Variants in ULK4 observed in about 807,000 individuals in gnomAD.
ULK4 encodes inactive serine/threonine-protein kinase ULK4.
In ULK4, 133 loss-of-function variants were observed where a neutral mutation model predicts 160.6. The observed-to-expected ratio is 0.83, with a 90% CI of 0.72 to 0.96. ULK4 has a LOEUF of 0.96. Ranked by LOEUF, ULK4 falls within the 40% of genes least tolerant of loss-of-function variation. ULK4 has a pLI of 0.00. For synonymous variants in ULK4, 534 were observed against 539.8 expected, an observed-to-expected ratio of 0.99 and a Z score of 0.15; for missense variants, 1,580 against 1,499.5, an observed-to-expected ratio of 1.05 and a Z score of -0.89.
chr3:41,280,167 T>C (rs1262786376), intron 35 of ULK4, among the ~76,000 whole-genome samples: 1 of 152,152 alleles, frequency 6.6e-6, no homozygotes, highest in Non-Finnish European at 1.5e-5. Context: ...AGCAAGTCCT[T>C]AGAGACCTAC....
At chr3:41,534,674 C>T (rs1559375122) in intron 32 of ULK4, among the ~76,000 whole-genome samples, 1 of 152,126 alleles carries the variant, frequency 6.6e-6, no homozygotes, top group African/African-American at 2.4e-5. Flanking sequence ...TACCATACTT[C>T]ATTGACTCTA....
chr3:41,635,675 G>A (rs1333724819), intron 30 of ULK4, among the ~76,000 whole-genome samples: 1 of 152,064 alleles, frequency 6.6e-6, no homozygotes, highest in African/African-American at 2.4e-5. Flanking sequence ...TTCAATTAAT[G>A]TCTAACAACT....
chr3:41,766,956 A>C (rs1263099496), intron 21 of ULK4: 1 of 152,222 alleles, frequency 6.6e-6, no homozygotes, highest in Non-Finnish European at 1.5e-5. Context: ...AGCTACTGGA[A>C]GTTTTTGTGT....
intron 34 of ULK4, among the ~76,000 whole-genome samples, chr3:41,419,334 T>C (rs751910877): frequency 1.1e-4 from 17 of 152,054 alleles, no homozygotes; most frequent in African/African-American, 4.1e-4. Context: ...GAGAGTAGGA[T>C]AACATGGAGC....
At chr3:41,768,415 G>C (rs989039182) in intron 21 of ULK4, among the ~76,000 whole-genome samples, 1 of 152,184 alleles carries the variant, frequency 6.6e-6, no homozygotes, top group Non-Finnish European at 1.5e-5. Flanking sequence ...TGGTAGAAGT[G>C]ATGCTACATT....
intron 35 of ULK4, among the ~76,000 whole-genome samples, chr3:41,290,637 G>C (rs865844441): frequency 6.6e-6 from 1 of 152,160 alleles, no homozygotes; most frequent in African/African-American, 2.4e-5. Flanking sequence ...ACTGTATTGC[G>C]GGGGCACTCA....
intron 32 of ULK4, among the ~76,000 whole-genome samples, chr3:41,563,161 T>C (rs1374777227): frequency 6.6e-6 from 1 of 152,214 alleles, no homozygotes; most frequent in East Asian, 1.9e-4. Context: ...GAAAATTCTT[T>C]TCTTTAAGAA....
intron 35 of ULK4, among the ~76,000 whole-genome samples, chr3:41,366,314 C>T (rs570570823): frequency 6.6e-6 from 1 of 152,206 alleles, no homozygotes; most frequent in South Asian, 2.1e-4. Flanking sequence ...GAGGGACAAC[C>T]ACTTAGGTGA....
intron 5 of ULK4, among the ~76,000 whole-genome samples, chr3:41,925,609 A>G (rs921396617): frequency 6.6e-5 from 10 of 152,160 alleles, no homozygotes; most frequent in Non-Finnish European, 1.5e-4. Flanking sequence ...GGTCAGGCTC[A>G]GCGGGTCCCA....
chr3:41,434,587 C>T (rs2082990448), intron 34 of ULK4, among the ~76,000 whole-genome samples: 1 of 152,058 alleles, frequency 6.6e-6, no homozygotes, highest in Admixed American at 6.5e-5. Flanking sequence ...TTTAAAAGGA[C>T]ACTAGCACAT....
At chr3:41,938,275 A>C (rs994520429) in intron 2 of ULK4, 78 bp from the exon 3 acceptor site, 12 of 1,022,246 alleles carry the variant, frequency 1.2e-5, no homozygotes, top group African/African-American at 3.2e-5. Context: ...CTAAATATAC[A>C]ATTGGTAAAT....
chr3:41,481,624 G>A (rs1490837220), intron 32 of ULK4, among the ~76,000 whole-genome samples: 5 of 151,618 alleles, frequency 3.3e-5, no homozygotes, highest in Admixed American at 6.6e-5. Flanking sequence ...TCAGGAGATC[G>A]AGACCATCCC....
intron 34 of ULK4, among the ~76,000 whole-genome samples, chr3:41,403,108 C>A (rs2082217327): frequency 1.3e-5 from 2 of 151,722 alleles, no homozygotes. Flanking sequence ...CAATATCATG[C>A]CATTGCACTC....
chr3:41,884,776 C>T (rs1295652396), intron 16 of ULK4, among the ~76,000 whole-genome samples: 1 of 152,184 alleles, frequency 6.6e-6, no homozygotes, highest in South Asian at 2.1e-4. Flanking sequence ...TATCACAACT[C>T]TAACATACAG....
intron 34 of ULK4, among the ~76,000 whole-genome samples, chr3:41,411,159 A>G (rs1222449486): frequency 6.6e-6 from 1 of 152,154 alleles, no homozygotes; most frequent in Non-Finnish European, 1.5e-5. Context: ...ATCAAAAACA[A>G]AATCCTAAGG....
chr3:41,864,594 A>C (rs557199679), intron 17 of ULK4, among the ~76,000 whole-genome samples: 203 of 152,156 alleles, frequency 1.3e-3, no homozygotes, highest in Admixed American at 2.2e-3. Context: ...GCTGTACCCC[A>C]GAGTCAGAAG....
intron 34 of ULK4, among the ~76,000 whole-genome samples, chr3:41,409,989 T>G (rs1052487668): frequency 4.6e-5 from 7 of 151,322 alleles, no homozygotes; most frequent in Non-Finnish European, 1.0e-4. Flanking sequence ...AAAACCACCA[T>G]GAGATATCAG....
At chr3:41,558,701 C>A (rs1294946514) in intron 32 of ULK4, among the ~76,000 whole-genome samples, 5 of 113,204 alleles carry the variant, frequency 4.4e-5, no homozygotes, top group Non-Finnish European at 6.2e-5. Flanking sequence ...AAGACTCCAT[C>A]TCAAAAAAAA....
chr3:41,802,597 C>A (rs2040494420), intron 19 of ULK4, among the ~76,000 whole-genome samples: 8 of 152,062 alleles, frequency 5.3e-5, no homozygotes, highest in Admixed American at 5.2e-4. Context: ...CTATGCCAAG[C>A]CAAGCATACC....
Sources: gnomAD v4.1 joint callset for allele counts (sites outside exome capture counted in the v4.1 genomes callset) on GRCh38, gnomAD v4.1.1 for gene constraint, MANE v1.5 for transcripts, NCBI Gene and HGNC (gene_info 2026-07-23, HGNC 2026-07-21) for gene names.